CELF1: variants seen among roughly 807,000 people sequenced by gnomAD.
The protein encoded by CELF1 is 50 kDa nuclear polyadenylated RNA-binding protein.
Under a neutral mutation model 61.8 loss-of-function variants are expected in CELF1, and 10 were observed. That is an observed-to-expected ratio of 0.16 (90% CI 0.10 to 0.27). The LOEUF (loss-of-function observed/expected upper bound fraction) is 0.27, where lower values mean the gene tolerates loss of function less well. Ranked by LOEUF, CELF1 falls within the 10% of genes least tolerant of loss-of-function variation. The probability of loss-of-function intolerance (pLI) is 1.00; values close to 1 mark genes in which losing one functional copy is unlikely to be tolerated. For missense variants in CELF1, 380 were observed against 639.1 expected, an observed-to-expected ratio of 0.59 and a Z score of 4.37; for synonymous variants, 236 against 225.1, an observed-to-expected ratio of 1.05 and a Z score of -0.43.
intron 1 of CELF1, among the ~76,000 whole-genome samples, chr11:47,549,380 C>T (rs1367557631): frequency 2.0e-5 from 3 of 152,196 alleles, no homozygotes. Flanking sequence ...CACCTAGTCA[C>T]ATTAGCACTA....
At chr11:47,488,792 G>A (rs1181574228) in intron 4 of CELF1, 45 bp downstream of exon 4, 38 of 1,373,830 alleles carry the variant, frequency 2.8e-5, no homozygotes, top group Non-Finnish European at 3.6e-5. Flanking sequence ...CCTGCTCTGA[G>A]AGTCAGTGGA....
intron 1 of CELF1, among the ~76,000 whole-genome samples, chr11:47,536,360 T>C (rs1000470146): frequency 9.2e-5 from 14 of 152,136 alleles, no homozygotes; most frequent in African/African-American, 2.9e-4. Context: ...GGCGAGATTG[T>C]CATAAATAAA....
In CELF1 at chr11:47,508,296, T is replaced by A. The variant is rs569092834; in HGVS notation, c.-153-7364A>T. Among the ~76,000 whole-genome samples, 11 of 152,162 alleles carry A rather than the reference T, an allele frequency of 7.2e-5. No individual in the cohort carries two copies. The East Asian group carries it at 2.1e-3, about 29-fold the overall frequency. On this transcript the variant is annotated intron_variant, in intron 1 of 14. Transcript: ENST00000687097. ...AGGGAACCACATTTCCCTCCAAATT[T>A]TATGTGGAACACAGTTTGAAAAACA...
chr11:47,527,175 C>G (rs2096274634), intron 1 of CELF1, among the ~76,000 whole-genome samples: 1 of 151,968 alleles, frequency 6.6e-6, no homozygotes, highest in Non-Finnish European at 1.5e-5. Context: ...AAGTATTCAA[C>G]ATGTTATTAA....
chr11:47,552,580 G>A (rs960273959), intron 1 of CELF1, among the ~76,000 whole-genome samples: 8 of 152,252 alleles, frequency 5.3e-5, no homozygotes, highest in South Asian at 2.1e-4. Context: ...AAGAACACGT[G>A]AGACGACAGG....
chr11:47,484,709 G>A (rs1037573869), intron 6 of CELF1, among the ~76,000 whole-genome samples, 186 bp from the exon 7 acceptor site: 1 of 152,002 alleles, frequency 6.6e-6, no homozygotes, highest in African/African-American at 2.4e-5. Flanking sequence ...ATGGAGTTTC[G>A]CTCTTGTTGC....
Position 47,494,469 on chromosome 11 carries a change from A to G in CELF1, c.71+4984T>C, listed in dbSNP as rs150480110. 1.8e-3 allele frequency: 1,771 copies of G among 983,984 alleles called. 3 individuals are homozygous for G. The highest frequency in any genetic ancestry group is 6.8e-3 in the Middle Eastern group (13 of 1,914). 61.0% of individuals were successfully genotyped at this position (983,984 alleles called of 1,614,324 possible). On this transcript the variant is annotated intron_variant, in intron 3 of 14. Coordinates refer to ENST00000687097, the MANE Select transcript of CELF1 (RefSeq NM_001376376.1). Reference sequence around the variant, plus strand: ...CTATGAGAAAATACAATAGGGATACAATTGGGAAGAGACACACGAGGGAAC... The same window carrying G: ...CTATGAGAAAATACAATAGGGATACGATTGGGAAGAGACACACGAGGGAAC...
At chr11:47,532,425 T>C (rs1485289559) in intron 1 of CELF1, among the ~76,000 whole-genome samples, 2 of 152,226 alleles carry the variant, frequency 1.3e-5, no homozygotes, top group Non-Finnish European at 2.9e-5. Flanking sequence ...ACAGGGGCTT[T>C]TGCCAATTAA....
chr11:47,482,697 C>T lies in CELF1; in HGVS notation c.766G>A (p.Ala256Thr). 4 of 1,613,128 alleles carry T rather than the reference C, an allele frequency of 2.5e-6. No individual in the cohort carries two copies. Among genetic ancestry groups the T allele is most frequent in the Non-Finnish European group, 3.4e-6 (4 of 1,179,728 alleles). Residue 256 changes from alanine to threonine, a missense_variant and splice_region_variant, in exon 9 of 15, where the codon GCA becomes ACA. Coordinates refer to ENST00000687097, the MANE Select transcript of CELF1 (RefSeq NM_001376376.1). ...GLNTLGPQYL[A>T]LYLQLLQQTA... Reference sequence around the variant, plus strand: ...GAAAGCAAACCACAAAGACTCACTGCTAAATACTGGGGTCCAAGAGTATTT... The same window carrying T: ...GAAAGCAAACCACAAAGACTCACTGTTAAATACTGGGGTCCAAGAGTATTT...
chr11:47,522,693 G>A (rs1392546276), intron 1 of CELF1, among the ~76,000 whole-genome samples: 1 of 151,888 alleles, frequency 6.6e-6, no homozygotes, highest in African/African-American at 2.4e-5. Flanking sequence ...CAGGTGTGGT[G>A]GCATGCGCTT....
chr11:47,499,692 G>A, intron 2 of CELF1, 88 bp from the exon 3 acceptor site: 1 of 605,236 alleles, frequency 1.7e-6, no homozygotes, highest in Non-Finnish European at 2.9e-6. Flanking sequence ...CTGGGGAAGG[G>A]GTAGGGAAAG....
chr11:47,478,721 C>T (rs2081354064), intron 10 of CELF1, among the ~76,000 whole-genome samples, 156 bp downstream of exon 10: 1 of 152,134 alleles, frequency 6.6e-6, no homozygotes, highest in Non-Finnish European at 1.5e-5. Flanking sequence ...TGTATAGAGA[C>T]AAGAAAATTG....
At chr11:47,529,930 C>T (rs527298047) in intron 1 of CELF1, among the ~76,000 whole-genome samples, 94 of 152,090 alleles carry the variant, frequency 6.2e-4, no homozygotes, top group Non-Finnish European at 9.6e-4. Context: ...AACCTGTCAG[C>T]AGAAGTACTA....
chr11:47,562,187 T>C (rs561729797), intron 2 of CELF1, among the ~76,000 whole-genome samples: 35 of 146,590 alleles, frequency 2.4e-4, no homozygotes, highest in African/African-American at 8.7e-4. Flanking sequence ...GATTGTGCCA[T>C]TGCACTCCAG....
intron 1 of CELF1, among the ~76,000 whole-genome samples, chr11:47,505,506 G>T (rs749652637): frequency 6.6e-6 from 1 of 150,846 alleles, no homozygotes; most frequent in Middle Eastern, 3.4e-3. Flanking sequence ...AGCCGGCCAT[G>T]GTGGCAGGCA....
intron 1 of CELF1, among the ~76,000 whole-genome samples, chr11:47,511,026 G>GA (rs113808712): frequency 1.5e-4 from 22 of 145,668 alleles, no homozygotes; most frequent in East Asian, 4.0e-4. Flanking sequence ...TACCCAAAAA[G>GA]AAAAAAAAAA....
At chr11:47,550,253 G>T (rs1037896842) in intron 1 of CELF1, among the ~76,000 whole-genome samples, 2 of 152,100 alleles carry the variant, frequency 1.3e-5, no homozygotes, top group Middle Eastern at 3.4e-3. Flanking sequence ...AAAAAACACC[G>T]GGTACGGTGG....
intron 1 of CELF1, among the ~76,000 whole-genome samples, chr11:47,518,645 T>C (rs1414097652): frequency 2.6e-5 from 4 of 152,214 alleles, no homozygotes; most frequent in African/African-American, 9.6e-5. Flanking sequence ...TTAGATGCAA[T>C]TGCAAGCTTT....
Position 47,495,482 on chromosome 11 carries a change from A to C in CELF1, c.71+3971T>G, listed in dbSNP as rs73461727. ...AATGTTCTGCAATTAAATAGTGGAA[A>C]TGGTTACACAACTCTGGAATATACT... is the stretch of plus-strand genomic sequence containing the variant. On this transcript the variant is annotated intron_variant, in intron 3 of 14. Transcript: ENST00000687097. Among the ~76,000 whole-genome samples the C allele has an allele frequency of 7.2e-5, 11 of 152,270 alleles. No homozygotes were observed. In the East Asian group the frequency reaches 2.1e-3, roughly 29 times the overall value.
Sources: allele counts gnomAD v4.1 joint callset (sites outside exome capture counted in the v4.1 genomes callset), GRCh38; gene constraint gnomAD v4.1.1; transcripts MANE v1.5; gene names NCBI Gene and HGNC (gene_info 2026-07-23, HGNC 2026-07-21).